The following LRTM3 variants were observed in gnomAD, a reference collection of about 807,000 sequenced individuals.
The protein encoded by LRTM3 is leucine rich repeat transmembrane protein 3, also known as leucine-rich repeat transmembrane protein 3.
At chr13:102,739,486 A>C in the LRTM3 span, 1 of 1,550,548 alleles carries the variant, frequency 6.4e-7, no homozygotes, top group Non-Finnish European at 8.7e-7. Flanking sequence ...TTGTTCTTGA[A>C]TTTGAATTAC....
chr13:102,752,567 A>G, the LRTM3 span, among the ~76,000 whole-genome samples: 1 of 152,224 alleles, frequency 6.6e-6, no homozygotes, highest in African/African-American at 2.4e-5. Context: ...ATTTTAGGCT[A>G]CACTAATGAT....
the LRTM3 span, chr13:102,749,501 A>G: frequency 3.9e-6 from 6 of 1,551,394 alleles, no homozygotes; most frequent in African/African-American, 1.4e-5. Context: ...TATAAACCAA[A>G]CACAATGTTG....
chr13:102,736,628 A>G, the LRTM3 span: 1 of 1,551,060 alleles, frequency 6.4e-7, no homozygotes, highest in East Asian at 2.4e-5. Context: ...TTTGCTCAGA[A>G]GTACAACTAT....
At chr13:102,738,471 T>A in the LRTM3 span, 2 of 1,550,834 alleles carry the variant, frequency 1.3e-6, no homozygotes, top group Admixed American at 3.9e-5. Context: ...TCACCTTTAA[T>A]ATGTTCTATC....
chr13:102,744,699 A>G, the LRTM3 span: 1 of 1,550,800 alleles, frequency 6.4e-7, no homozygotes, highest in Non-Finnish European at 8.7e-7. Flanking sequence ...TGACTATAGC[A>G]TGGAACTGAT....
At chr13:102,746,651 A>T in the LRTM3 span, 1 of 1,551,164 alleles carries the variant, frequency 6.4e-7, no homozygotes, top group Non-Finnish European at 8.7e-7. Flanking sequence ...TCTCTTTTTC[A>T]TCACTTTAGA....
chr13:102,740,109 C>G, the LRTM3 span: 13 of 1,548,318 alleles, frequency 8.4e-6, no homozygotes, highest in African/African-American at 1.6e-4. Flanking sequence ...TCTTTTTGTA[C>G]CTTTTCATTT....
chr13:102,744,453 T>A, the LRTM3 span: 3 of 1,550,306 alleles, frequency 1.9e-6, no homozygotes, highest in Non-Finnish European at 2.6e-6. Context: ...TTCCCTGTTT[T>A]GGGAAATGAA....
chr13:102,730,581 G>A, the LRTM3 span: 1 of 1,551,994 alleles, frequency 6.4e-7, no homozygotes, highest in Non-Finnish European at 8.7e-7. Flanking sequence ...GGGCTGTGCA[G>A]ATCACGGTCA....
chr13:102,747,030 C>T, the LRTM3 span: 2 of 1,551,186 alleles, frequency 1.3e-6, no homozygotes, highest in East Asian at 2.4e-5. Flanking sequence ...AGATGTGCAT[C>T]AAGTCCAAGG....
the LRTM3 span, chr13:102,738,090 G>C: frequency 3.2e-6 from 5 of 1,550,612 alleles, no homozygotes; most frequent in Non-Finnish European, 4.4e-6. Context: ...TCTTTCCCTT[G>C]CTCCTGAGCT....
the LRTM3 span, chr13:102,745,269 G>C: frequency 6.4e-7 from 1 of 1,550,866 alleles, no homozygotes; most frequent in South Asian, 1.2e-5. Context: ...TCATCTTGAA[G>C]AAGGGTTTCT....
the LRTM3 span, among the ~76,000 whole-genome samples, chr13:102,751,631 A>G: frequency 6.6e-6 from 1 of 152,218 alleles, no homozygotes; most frequent in Non-Finnish European, 1.5e-5. Context: ...AATAGGTCAG[A>G]TAATTCTAGT....
chr13:102,758,152 G>A, the LRTM3 span, among the ~76,000 whole-genome samples: 2 of 152,148 alleles, frequency 1.3e-5, no homozygotes, highest in African/African-American at 4.8e-5. Flanking sequence ...AGGAAAGCAA[G>A]TCACTTATCC....
chr13:102,729,689 A>T, the LRTM3 span: 1 of 1,551,854 alleles, frequency 6.4e-7, no homozygotes, highest in Non-Finnish European at 8.7e-7. Flanking sequence ...ATAGAAGTTG[A>T]TATCGTCATG....
chr13:102,745,223 T>C, the LRTM3 span: 1 of 1,550,970 alleles, frequency 6.4e-7, no homozygotes. Context: ...TGGAATTACT[T>C]TTAACAATGC....
At chr13:102,756,838 C>A in the LRTM3 span, among the ~76,000 whole-genome samples, 2 of 152,056 alleles carry the variant, frequency 1.3e-5, no homozygotes, top group African/African-American at 4.8e-5. Flanking sequence ...CACCCCCTAA[C>A]CTCTTCTTCT....
chr13:102,733,997 C>A, the LRTM3 span: 1 of 1,551,190 alleles, frequency 6.4e-7, no homozygotes, highest in Non-Finnish European at 8.7e-7. Flanking sequence ...TGTTTTGTTC[C>A]CTGAATCCAG....
the LRTM3 span, chr13:102,742,465 G>C: frequency 1.3e-6 from 2 of 1,549,146 alleles, no homozygotes; most frequent in Non-Finnish European, 1.7e-6. Flanking sequence ...TTGTTTTCCA[G>C]TCTGCAGTTT....
Sources: gnomAD v4.1 joint callset for allele counts (sites outside exome capture counted in the v4.1 genomes callset) on GRCh38, gnomAD v4.1.1 for gene constraint, MANE v1.5 for transcripts, NCBI Gene and HGNC (gene_info 2026-07-23, HGNC 2026-07-21) for gene names.